Variants in OR1G1 observed in about 807,000 individuals in gnomAD.
OR1G1 encodes the protein olfactory receptor 1G1.
For synonymous variants in OR1G1, 145 were observed against 149.6 expected (o/e 0.97, Z 0.22); for missense variants, 347 against 375.5 (o/e 0.92, Z 0.63).
rs1190052245 is a variant in OR1G1, at chr17:3,126,909, T to A, written c.643A>T (p.Ile215Phe). Residue 215 changes from isoleucine to phenylalanine, a missense_variant, in exon 1 of 1, where the codon ATT becomes TTT. Physicochemically the swap from Ile to Phe is conservative, Grantham distance 21 (BLOSUM62 0). Coordinates refer to ENST00000328890, the MANE Select transcript of OR1G1 (RefSeq NM_003555.1). The part of the protein sequence containing the change: ...LTGLICVLCL[I>F]ISYTNVFSTI... ...GAGAAAACGTTCGTGTAAGAGATAATCAGGCAAAGCACACAAATGAGTCCT... is the reference window on the plus strand; with the variant it reads ...GAGAAAACGTTCGTGTAAGAGATAAACAGGCAAAGCACACAAATGAGTCCT... 1.1e-5 allele frequency: 18 copies of A among 1,614,094 alleles called. No individual in the cohort carries two copies. The highest frequency in any genetic ancestry group is 1.5e-5 in the Non-Finnish European group (18 of 1,180,032).
chr17:3,127,324 G>A lies in OR1G1; in HGVS notation c.228C>T (p.Thr76=), dbSNP rs754216251. 17 of 1,614,066 alleles carry A rather than the reference G, an allele frequency of 1.1e-5. No homozygotes were observed. The South Asian group carries it at 1.5e-4, about 15-fold the overall frequency. The change falls in exon 1 of 1, where the codon ACC becomes ACT. Residue 76 remains threonine (T), a synonymous_variant. Transcript: ENST00000328890. ...LSLADACFVS[T]TVPKMLANIQ... ...TGTTTGCCAGCATCTTAGGGACTGT[G>A]GTGGACACAAAGCAGGCATCTGCAA...
chr17:3,127,115 G>A lies in OR1G1; in HGVS notation c.437C>T (p.Ser146Phe), dbSNP rs138670753. Residue 146 changes from serine (S) to phenylalanine (F), a missense_variant, in exon 1 of 1, where the codon TCT becomes TTT. Transcript: ENST00000328890. ...MSPGLCIFLVSASWIMNALHS... is the reference protein window; with the variant it reads ...MSPGLCIFLVFASWIMNALHS... ...GAGGGCATTCATGATCCAGGATGCA[G>A]ACACGAGGAAGATGCAGAGCCCAGG... The A allele has an allele frequency of 3.1e-6, 5 of 1,613,966 alleles. No individual in the cohort carries two copies. Among genetic ancestry groups the A allele is most frequent in the Non-Finnish European group, 3.4e-6 (4 of 1,180,046 alleles).
chr17:3,127,275 A>T lies in OR1G1; in HGVS notation c.277T>A (p.Ser93Thr), dbSNP rs769477052. The part of the protein sequence containing the change: ...ANIQIQSQAI[S>T]YSGCLLQLYF... Reference sequence around the variant, plus strand: ...AACTGTAGTAGACACCCTGAGTAGGAGATGGCCTGACTCTGGATCTGTATG... The same window carrying T: ...AACTGTAGTAGACACCCTGAGTAGGTGATGGCCTGACTCTGGATCTGTATG... The change falls in exon 1 of 1, where the codon TCC (serine) becomes ACC (threonine). Residue 93 changes from serine to threonine, a missense_variant. Ser to Thr is a moderately conservative substitution (Grantham distance 58). Coordinates refer to ENST00000328890, the MANE Select transcript of OR1G1 (RefSeq NM_003555.1). 2 of 1,614,210 alleles carry T rather than the reference A, an allele frequency of 1.2e-6. No individual in the cohort carries two copies. Among genetic ancestry groups the T allele is most frequent in the Admixed American group, 1.7e-5 (1 of 60,026 alleles).
Position 3,127,476 on chromosome 17 carries a change from G to C in OR1G1, c.76C>G (p.Pro26Ala), listed in dbSNP as rs1215642068. ...ATGAACAGGAAGGACCCAAAGAGGG[G>C]CTTCTGCTCCTCCAGCTGCTCAGAG... ...GFSEQLEEQK[P>A]LFGSFLFMYL... The change falls in exon 1 of 1, where the codon CCC becomes GCC. Residue 26 changes from proline to alanine, a missense_variant. Coordinates refer to ENST00000328890, the MANE Select transcript of OR1G1 (RefSeq NM_003555.1). 1 of 1,614,126 alleles carries C rather than the reference G, an allele frequency of 6.2e-7. No homozygotes were observed. The highest frequency in any genetic ancestry group is 1.3e-5 in the African/African-American group (1 of 75,028).
At position 3,127,128 on chromosome 17, in the gene OR1G1, T is replaced by C. The variant is rs1201460950; in HGVS notation, c.424A>G (p.Ile142Val). 6.2e-7 allele frequency: 1 copy of C among 1,613,950 alleles called. No homozygotes were observed. Among genetic ancestry groups the C allele is most frequent in the East Asian group, 2.2e-5 (1 of 44,864 alleles). ...YILIMSPGLC[I>V]FLVSASWIMN... ...ATCCAGGATGCAGACACGAGGAAGA[T>C]GCAGAGCCCAGGGCTCATGATCAGA... Residue 142 changes from isoleucine to valine, a missense_variant, in exon 1 of 1, where the codon ATC (isoleucine) becomes GTC (valine). By Grantham distance (29) the Ile-to-Val change is conservative. Coordinates refer to ENST00000328890, the MANE Select transcript of OR1G1 (RefSeq NM_003555.1).
chr17:3,126,896 G>A lies in OR1G1; in HGVS notation c.656C>T (p.Thr219Met), dbSNP rs200218281. ...CTTCAGGATGGTCGAGAAAACGTTC[G>A]TGTAAGAGATAATCAGGCAAAGCAC... ...ICVLCLIISY[T>M]NVFSTILKIP... The change falls in exon 1 of 1, where the codon ACG becomes ATG. Residue 219 changes from threonine to methionine, a missense_variant. By Grantham distance (81) the Thr-to-Met change is moderately conservative. Transcript: ENST00000328890. 1.4e-4 allele frequency: 229 copies of A among 1,614,158 alleles called. 1 individual carries two copies. In the East Asian group the frequency reaches 3.0e-3, roughly 21 times the overall value.
In OR1G1 at chr17:3,127,030, G is replaced by C. The variant is rs1189734385; in HGVS notation, c.522C>G (p.Ile174Met). The change falls in exon 1 of 1, where the codon ATC becomes ATG. Residue 174 changes from isoleucine (I) to methionine (M), a missense_variant. Transcript: ENST00000328890. ...GATTGATGTCACAGAAGAAGTGTGG[G>C]ATCTCATGGTTTGCGCAGAAGGACA... ...NSLSFCANHEIPHFFCDINPL... is the reference protein window; with the variant it reads ...NSLSFCANHEMPHFFCDINPL... The C allele has an allele frequency of 6.2e-7, 1 of 1,614,052 alleles. No individual in the cohort carries two copies. The highest frequency in any genetic ancestry group is 1.3e-5 in the African/African-American group (1 of 74,902).
At position 3,127,459 on chromosome 17, in the gene OR1G1, G is replaced by A. The variant is rs769103320; in HGVS notation, c.93C>T (p.Phe31=). 1.9e-6 allele frequency: 3 copies of A among 1,613,984 alleles called. No homozygotes were observed. The highest frequency in any genetic ancestry group is 3.3e-5 in the Admixed American group (2 of 59,992). The part of the protein sequence containing the change: ...LEEQKPLFGS[F]LFMYLVTVAG... Reference sequence around the variant, plus strand: ...CCACCGTGACCAAGTACATGAACAGGAAGGACCCAAAGAGGGGCTTCTGCT... The same window carrying A: ...CCACCGTGACCAAGTACATGAACAGAAAGGACCCAAAGAGGGGCTTCTGCT... Residue 31 remains phenylalanine (F), a synonymous_variant, in exon 1 of 1, where the codon TTC becomes TTT. Coordinates refer to ENST00000328890, the MANE Select transcript of OR1G1 (RefSeq NM_003555.1).
At position 3,126,616 on chromosome 17, in the gene OR1G1, G is replaced by A. The variant is rs781159980; in HGVS notation, c.936C>T (p.Ser312=). ...RKLIWVRKIH[S]P The stretch of plus-strand genomic sequence containing the variant: ...GGATGTCAAGTCACTACCACTAAGG[G>A]GAATGAATTTTCCGAACCCAGATTA... The change falls in exon 1 of 1, where the codon TCC becomes TCT. Residue 312 remains serine (S), a synonymous_variant. Transcript: ENST00000328890. The A allele has an allele frequency of 1.9e-6, 3 of 1,572,898 alleles. No individual in the cohort carries two copies. The highest frequency in any genetic ancestry group is 2.2e-5 in the East Asian group (1 of 44,644).
Position 3,127,195 on chromosome 17 carries a change from G to GGC in OR1G1, c.355_356dup (p.Tyr120ProfsTer16), listed in dbSNP as rs1264145038. 6.2e-7 allele frequency: 1 copy of GGC among 1,614,212 alleles called. No individual in the cohort carries two copies. The highest frequency in any genetic ancestry group is 2.2e-5 in the East Asian group (1 of 44,892). ...GGCATATGGCCACGTAGCAGTCATA[G>GGC]GCCATGACCGCCAAGAGGAATGCCT... On this transcript the variant is annotated frameshift_variant, in exon 1 of 1. Transcript: ENST00000328890. LOFTEE classifies it low-confidence loss of function (END_TRUNC).
chr17:3,127,434 C>A lies in OR1G1; in HGVS notation c.118G>T (p.Ala40Ser), dbSNP rs763995502. 4.3e-6 allele frequency: 7 copies of A among 1,613,916 alleles called. No homozygotes were observed. In the African/African-American group the frequency reaches 9.3e-5, roughly 22 times the overall value. Residue 40 changes from alanine (A) to serine (S), a missense_variant, in exon 1 of 1, where the codon GCA becomes TCA. Ala to Ser is a moderately conservative substitution (Grantham distance 99, BLOSUM62 1). Coordinates refer to ENST00000328890, the MANE Select transcript of OR1G1 (RefSeq NM_003555.1). The stretch of plus-strand genomic sequence containing the variant: ...ACTAGAATGATGAGGAGGTTGCCTG[C>A]CACCGTGACCAAGTACATGAACAGG... ...SFLFMYLVTV[A>S]GNLLIILVII... is the part of the protein sequence containing the mutation.
Position 3,127,432 on chromosome 17 carries a change from T to G in OR1G1, c.120A>C (p.Ala40=). Residue 40 remains alanine (A), a synonymous_variant, in exon 1 of 1, where the codon GCA becomes GCC. Coordinates refer to ENST00000328890, the MANE Select transcript of OR1G1 (RefSeq NM_003555.1). ...SFLFMYLVTV[A]GNLLIILVII... ...TGACTAGAATGATGAGGAGGTTGCC[T>G]GCCACCGTGACCAAGTACATGAACA... 1.2e-6 allele frequency: 2 copies of G among 1,614,006 alleles called. No individual in the cohort carries two copies. The highest frequency in any genetic ancestry group is 1.7e-6 in the Non-Finnish European group (2 of 1,179,978).
In OR1G1 at chr17:3,126,887, A is replaced by G; in HGVS notation, c.665T>C (p.Phe222Ser). The stretch of plus-strand genomic sequence containing the variant: ...TGATGGGATCTTCAGGATGGTCGAG[A>G]AAACGTTCGTGTAAGAGATAATCAG... Reference protein sequence around the residue: ...LCLIISYTNVFSTILKIPSAQ... With the variant: ...LCLIISYTNVSSTILKIPSAQ... The change falls in exon 1 of 1, where the codon TTC becomes TCC. Residue 222 changes from phenylalanine to serine, a missense_variant. Phe to Ser is a radical substitution (Grantham distance 155). Coordinates refer to ENST00000328890, the MANE Select transcript of OR1G1 (RefSeq NM_003555.1). 1 of 1,614,168 alleles carries G rather than the reference A, an allele frequency of 6.2e-7. No homozygotes were observed. The highest frequency in any genetic ancestry group is 8.5e-7 in the Non-Finnish European group (1 of 1,180,018).
In OR1G1 at chr17:3,126,806, G is replaced by A; in HGVS notation, c.746C>T (p.Ser249Phe). The change falls in exon 1 of 1, where the codon TCT becomes TTT. Residue 249 changes from serine to phenylalanine, a missense_variant. Transcript: ENST00000328890. Reference protein sequence around the residue: ...STCSSHLSVVSLFFGTSFCVD... With the variant: ...STCSSHLSVVFLFFGTSFCVD... ...ACAAAAAGAAGTCCCAAAGAAGAGA[G>A]AGACCACGGAGAGATGAGAGCTGCA... 7 of 1,613,930 alleles carry A rather than the reference G, an allele frequency of 4.3e-6. No individual in the cohort carries two copies. The highest frequency in any genetic ancestry group is 5.9e-6 in the Non-Finnish European group (7 of 1,179,922).
Position 3,126,800 on chromosome 17 carries a change from AAG to A in OR1G1, c.750_751del (p.Phe251LeufsTer8), listed in dbSNP as rs1434527627. On this transcript the variant is annotated frameshift_variant, in exon 1 of 1. Transcript: ENST00000328890. LOFTEE classifies it low-confidence loss of function (END_TRUNC). ...ATCAACACAAAAAGAAGTCCCAAAG[AAG>A]AGAGAGACCACGGAGAGATGAGAGC... is the stretch of plus-strand genomic sequence containing the variant. 2 of 1,613,824 alleles carry A rather than the reference AAG, an allele frequency of 1.2e-6. No homozygotes were observed. The highest frequency in any genetic ancestry group is 2.7e-5 in the African/African-American group (2 of 74,882).
Position 3,127,172 on chromosome 17 carries a change from C to T in OR1G1, c.380G>A (p.Cys127Tyr), listed in dbSNP as rs149624249. Residue 127 changes from cysteine to tyrosine, a missense_variant, in exon 1 of 1, where the codon TGC becomes TAC. Cys to Tyr is a radical substitution (Grantham distance 194). Coordinates refer to ENST00000328890, the MANE Select transcript of OR1G1 (RefSeq NM_003555.1). ...GATCAGAATGTAATGAAGTGGGTGG[C>T]ATATGGCCACGTAGCAGTCATAGGC... ...VMAYDCYVAI[C>Y]HPLHYILIMS... 4 of 1,614,026 alleles carry T rather than the reference C, an allele frequency of 2.5e-6. No homozygotes were observed. The African/African-American group carries it at 5.3e-5, about 22-fold the overall frequency.
Position 3,127,451 on chromosome 17 carries a change from A to G in OR1G1, c.101T>C (p.Met34Thr), listed in dbSNP as rs746112011. The change falls in exon 1 of 1, where the codon ATG (methionine) becomes ACG (threonine). Residue 34 changes from methionine (M) to threonine (T), a missense_variant. Transcript: ENST00000328890. ...GTTGCCTGCCACCGTGACCAAGTAC[A>G]TGAACAGGAAGGACCCAAAGAGGGG... Reference protein sequence around the residue: ...QKPLFGSFLFMYLVTVAGNLL... With the variant: ...QKPLFGSFLFTYLVTVAGNLL... The G allele has an allele frequency of 3.7e-6, 6 of 1,614,008 alleles. No homozygotes were observed. In the African/African-American group the frequency reaches 4.0e-5, roughly 11 times the overall value.
In OR1G1 at chr17:3,127,330, C is replaced by T. The variant is rs775114450; in HGVS notation, c.222G>A (p.Val74=). 20 of 1,614,094 alleles carry T rather than the reference C, an allele frequency of 1.2e-5. No individual in the cohort carries two copies. The highest frequency in any genetic ancestry group is 1.7e-5 in the Non-Finnish European group (20 of 1,180,028). ...ANLSLADACF[V]STTVPKMLAN... is the part of the protein sequence containing the mutation. ...CCAGCATCTTAGGGACTGTGGTGGA[C>T]ACAAAGCAGGCATCTGCAAGGGAGA... Residue 74 remains valine (V), a synonymous_variant, in exon 1 of 1, where the codon GTG becomes GTA. Transcript: ENST00000328890.
rs1288130710 is a variant in OR1G1, at chr17:3,127,306, C to T, written c.246G>A (p.Leu82=). The change falls in exon 1 of 1, where the codon CTG becomes CTA. Residue 82 remains leucine, a synonymous_variant. Coordinates refer to ENST00000328890, the MANE Select transcript of OR1G1 (RefSeq NM_003555.1). ...CFVSTTVPKM[L]ANIQIQSQAI... ...CCTGACTCTGGATCTGTATGTTTGC[C>T]AGCATCTTAGGGACTGTGGTGGACA... The T allele has an allele frequency of 6.2e-7, 1 of 1,614,104 alleles. No individual in the cohort carries two copies. The highest frequency in any genetic ancestry group is 8.5e-7 in the Non-Finnish European group (1 of 1,180,032).
Sources: allele counts gnomAD v4.1 joint callset, GRCh38; gene constraint gnomAD v4.1.1; transcripts MANE v1.5; gene names NCBI Gene and HGNC (gene_info 2026-07-23, HGNC 2026-07-21).